PCDH15: variants seen among roughly 807,000 people sequenced by gnomAD.
The protein encoded by PCDH15 is protocadherin related 15, also known as protocadherin-15.
Under a neutral mutation model 178.5 loss-of-function variants are expected in PCDH15, and 129 were observed. The ratio of observed to expected loss-of-function variants is 0.72; its 90% CI spans 0.63 to 0.84. The LOEUF (loss-of-function observed/expected upper bound fraction) is 0.84. Among genes scored for constraint, PCDH15 ranks in the 40% least tolerant of loss-of-function variants. The pLI, the probability that PCDH15 is intolerant of heterozygous loss-of-function variation, is 0.00. For synonymous variants in PCDH15, 800 were observed against 732.0 expected (o/e 1.09, Z -1.50); for missense variants, 2,230 against 2,099.9 (o/e 1.06, Z -1.21).
intron 3 of PCDH15, among the ~76,000 whole-genome samples, chr10:54,431,204 C>A (rs1403333477): frequency 6.6e-6 from 1 of 152,102 alleles, no homozygotes; most frequent in Non-Finnish European, 1.5e-5. Flanking sequence ...ACCAATTCTA[C>A]TCAAACTATT....
chr10:53,806,426 A>C lies in PCDH15; in HGVS notation c.*153T>G. The stretch of plus-strand genomic sequence containing the variant: ...ATTAATTGATAACAATGTGAGTGCA[A>C]ATCTGTCTCTTAAAATTTTAAAGCA... On this transcript the variant is annotated 3_prime_UTR_variant, in exon 38 of 38. Transcript: ENST00000644397. 1.5e-6 allele frequency: 1 copy of C among 669,564 alleles called. No homozygotes were observed. Among genetic ancestry groups the C allele is most frequent in the South Asian group, 2.3e-5 (1 of 43,600 alleles). 41.5% of individuals were successfully genotyped at this position (669,564 alleles called of 1,614,324 possible).
At position 54,845,003 on chromosome 10, in the gene PCDH15, T is replaced by G. The variant is rs181079486; in HGVS notation, c.-29+52447A>C. On this transcript the variant is annotated intron_variant, in intron 3 of 5. Coordinates refer to the PCDH15 transcript ENST00000458638. ...CTTTTCTTCTGCTTTCCTGAGTTCT[T>G]TTTAATGAAAAATCATGTTGAAATT... Among the ~76,000 whole-genome samples, 264 of 152,096 alleles carry G rather than the reference T, an allele frequency of 1.7e-3. 4 individuals carry two copies. The highest frequency in any genetic ancestry group is 5.9e-3 in the African/African-American group (245 of 41,544).
At chr10:55,478,214 G>A (rs1206050151) in intron 2 of PCDH15, among the ~76,000 whole-genome samples, 1 of 151,706 alleles carries the variant, frequency 6.6e-6, no homozygotes, top group African/African-American at 2.4e-5. Flanking sequence ...GCAATGCAGT[G>A]ATAGTATGAG....
chr10:54,476,354 T>C (rs1275049587), intron 3 of PCDH15, among the ~76,000 whole-genome samples: 5 of 152,040 alleles, frequency 3.3e-5, no homozygotes. Context: ...TTTATCTCTG[T>C]ATTTTGAAAT....
At chr10:54,116,840 T>TCATTTTA (rs1399743225) in intron 15 of PCDH15, among the ~76,000 whole-genome samples, 4 of 152,234 alleles carry the variant, frequency 2.6e-5, no homozygotes, top group African/African-American at 9.6e-5. Context: ...AAAATGGCTT[T>TCATTTTA]CATTTTACAT....
intron 3 of PCDH15, among the ~76,000 whole-genome samples, chr10:54,389,589 C>A (rs1950300042): frequency 6.6e-6 from 1 of 152,236 alleles, no homozygotes; most frequent in Admixed American, 6.5e-5. Context: ...GCGGCTCCAT[C>A]CCAAACTATT....
intron 3 of PCDH15, among the ~76,000 whole-genome samples, chr10:54,822,107 T>C (rs1953052087): frequency 6.6e-6 from 1 of 152,210 alleles, no homozygotes; most frequent in Non-Finnish European, 1.5e-5. Flanking sequence ...CAACAATCAA[T>C]AAGGGTAATT....
chr10:55,552,496 T>A (rs1233730016), intron 2 of PCDH15, among the ~76,000 whole-genome samples: 1 of 151,528 alleles, frequency 6.6e-6, no homozygotes, highest in Non-Finnish European at 1.5e-5. Context: ...GCTGTTATTA[T>A]AAATATAAAT....
chr10:54,295,314 A>G (rs567698848), intron 8 of PCDH15, among the ~76,000 whole-genome samples: 2 of 152,174 alleles, frequency 1.3e-5, no homozygotes, highest in Admixed American at 1.3e-4. Context: ...TGTAAAATGG[A>G]CCAATCAGCA....
At chr10:53,892,832 A>G (rs1473472297) in intron 26 of PCDH15, among the ~76,000 whole-genome samples, 4 of 152,220 alleles carry the variant, frequency 2.6e-5, no homozygotes, top group African/African-American at 4.8e-5. Flanking sequence ...ACAGCGATAT[A>G]TTCTTTAAAA....
chr10:53,929,048 ATATATATTTTTTCT>A (rs1288978105), intron 25 of PCDH15, among the ~76,000 whole-genome samples: 1 of 152,040 alleles, frequency 6.6e-6, no homozygotes, highest in Non-Finnish European at 1.5e-5. Flanking sequence ...CCGTCATGAA[ATATATATTTTTTCT>A]CATATATGCA....
intron 21 of PCDH15, among the ~76,000 whole-genome samples, chr10:53,992,665 G>T (rs942991637): frequency 9.2e-5 from 14 of 152,056 alleles, no homozygotes; most frequent in African/African-American, 2.7e-4. Context: ...CTGTAGTTTT[G>T]TTCTGTCAAA....
chr10:54,197,752 T>C (rs1477517162), intron 10 of PCDH15, among the ~76,000 whole-genome samples: 3 of 152,188 alleles, frequency 2.0e-5, no homozygotes, highest in South Asian at 2.1e-4. Context: ...TTGGTAGGGA[T>C]TGCTGACTTT....
rs377712433 is a variant in PCDH15 at position 54,369,931 on chromosome 10, C to T, written c.319-656G>A. On this transcript the variant is annotated intron_variant, in intron 4 of 37. Coordinates refer to ENST00000644397, the MANE Select transcript of PCDH15 (RefSeq NM_001384140.1). ...AATACTATGAAGTTATGTTATGTGACAGCAATATTATACTTCATTGTAAGC... is the reference window on the plus strand; with the variant it reads ...AATACTATGAAGTTATGTTATGTGATAGCAATATTATACTTCATTGTAAGC... 2.6e-4 allele frequency among the ~76,000 whole-genome samples: 40 copies of T among 152,002 alleles called. No homozygotes were observed. The South Asian group carries it at 3.3e-3, about 13-fold the overall frequency.
intron 15 of PCDH15, among the ~76,000 whole-genome samples, chr10:54,096,485 T>A (rs1239086545): frequency 1.3e-5 from 2 of 152,248 alleles, no homozygotes; most frequent in South Asian, 2.1e-4. Context: ...GCTGTCATTG[T>A]CAACTTAATC....
At chr10:54,522,784 A>G (rs1340051098) in intron 3 of PCDH15, among the ~76,000 whole-genome samples, 1 of 152,196 alleles carries the variant, frequency 6.6e-6, no homozygotes, top group Non-Finnish European at 1.5e-5. Flanking sequence ...AAAATTATGT[A>G]TTGGGCATGT....
At chr10:55,623,426 C>A (rs2132173959) in intron 2 of PCDH15, among the ~76,000 whole-genome samples, 1 of 152,030 alleles carries the variant, frequency 6.6e-6, no homozygotes, top group Middle Eastern at 3.4e-3. Flanking sequence ...AAACACAAAT[C>A]AATCCTGTTA....
chr10:54,090,942 T>C (rs1367144872), intron 15 of PCDH15, among the ~76,000 whole-genome samples: 1 of 152,194 alleles, frequency 6.6e-6, no homozygotes, highest in East Asian at 1.9e-4. Context: ...CATAGACTAA[T>C]ATCTGGTACA....
At chr10:54,443,789 G>T (rs926653305) in intron 3 of PCDH15, among the ~76,000 whole-genome samples, 29 of 151,544 alleles carry the variant, frequency 1.9e-4, no homozygotes, top group South Asian at 2.1e-4. Context: ...TGTTTATTGA[G>T]AGTCCTAATT....
Sources: allele counts gnomAD v4.1 joint callset (sites outside exome capture counted in the v4.1 genomes callset), GRCh38; gene constraint gnomAD v4.1.1; transcripts MANE v1.5; gene names NCBI Gene and HGNC (gene_info 2026-07-23, HGNC 2026-07-21).